Variants in CDYL observed in about 807,000 individuals in gnomAD.
The protein encoded by CDYL is chromodomain Y like, also known as chromodomain Y-like protein.
Under a neutral mutation model 47.3 loss-of-function variants are expected in CDYL, and 8 were observed. The ratio of observed to expected loss-of-function variants is 0.17; its 90% CI spans 0.10 to 0.31. The LOEUF (loss-of-function observed/expected upper bound fraction) is 0.31, where lower values mean the gene tolerates loss of function less well. Ranked by LOEUF, CDYL falls within the 10% of genes least tolerant of loss-of-function variation. The pLI is 1.00. For synonymous variants in CDYL, 266 were observed against 265.0 expected (o/e 1.00, Z -0.04); for missense variants, 471 against 701.4 (o/e 0.67, Z 3.71).
intron 1 of CDYL, among the ~76,000 whole-genome samples, chr6:4,880,571 CAT>C (rs1398181282): frequency 6.6e-6 from 1 of 152,182 alleles, no homozygotes; most frequent in East Asian, 1.9e-4. Flanking sequence ...ATTGCTGAAT[CAT>C]ATGGTAAGAG....
intron 2 of CDYL, among the ~76,000 whole-genome samples, chr6:4,909,245 A>G (rs1284674269): frequency 2.0e-5 from 3 of 152,222 alleles, no homozygotes; most frequent in Non-Finnish European, 4.4e-5. Context: ...TATTGTAAAC[A>G]CTAGGGTAAT....
At chr6:4,716,194 GC>G (rs1374814869) in intron 2 of CDYL, among the ~76,000 whole-genome samples, 2 of 150,512 alleles carry the variant, frequency 1.3e-5, no homozygotes, top group Non-Finnish European at 2.9e-5. Context: ...CTTGCAGTGA[GC>G]CCGAGATCGC....
At chr6:4,935,950 C>T (rs1042529211) in intron 3 of CDYL, among the ~76,000 whole-genome samples, 179 bp downstream of exon 3, 1 of 152,198 alleles carries the variant, frequency 6.6e-6, no homozygotes, top group African/African-American at 2.4e-5. Flanking sequence ...CATGTCCCAC[C>T]TCCAATGGCC....
chr6:4,809,147 T>TGCAACAGATACA (rs1759455247), intron 1 of CDYL, among the ~76,000 whole-genome samples: 1 of 152,246 alleles, frequency 6.6e-6, no homozygotes, highest in Non-Finnish European at 1.5e-5. Flanking sequence ...GATACATATG[T>TGCAACAGATACA]ATTTTATTGC....
rs111723354 is a variant in CDYL, at chr6:4,940,464, C to T, written c.1121+2727C>T. On this transcript the variant is annotated intron_variant, in intron 4 of 6. Transcript: ENST00000397588. ...TTCCTTAAAACTTGGAGGCAAAGGA[C>T]TTCATCGTAGCAAGTTTCCAAAGGA... 1.5e-3 allele frequency among the ~76,000 whole-genome samples: 234 copies of T among 152,302 alleles called. 1 individual carries two copies. The highest frequency in any genetic ancestry group is 5.4e-3 in the African/African-American group (223 of 41,552).
chr6:4,872,834 G>T (rs1404038639), intron 1 of CDYL, among the ~76,000 whole-genome samples: 1 of 152,126 alleles, frequency 6.6e-6, no homozygotes, highest in Admixed American at 6.5e-5. Flanking sequence ...GTTCATCTTG[G>T]TCTCTATCCA....
At chr6:4,942,029 C>G (rs1230315069) in intron 4 of CDYL, among the ~76,000 whole-genome samples, 4 of 152,158 alleles carry the variant, frequency 2.6e-5, no homozygotes, top group African/African-American at 9.7e-5. Flanking sequence ...CAAAAGATGA[C>G]ACAACTGAAA....
chr6:4,925,250 T>G (rs1757832499), intron 2 of CDYL, among the ~76,000 whole-genome samples: 1 of 152,166 alleles, frequency 6.6e-6, no homozygotes, highest in Non-Finnish European at 1.5e-5. Context: ...GTCACTTGTT[T>G]TTACAACAAA....
At chr6:4,929,133 A>G (rs536921613) in intron 2 of CDYL, among the ~76,000 whole-genome samples, 1 of 152,116 alleles carries the variant, frequency 6.6e-6, no homozygotes, top group East Asian at 1.9e-4. Context: ...GCCTGCTGGT[A>G]CAAACTCTCT....
At chr6:4,759,496 G>C (rs1758135778) in intron 3 of CDYL, among the ~76,000 whole-genome samples, 1 of 151,960 alleles carries the variant, frequency 6.6e-6, no homozygotes, top group South Asian at 2.1e-4. Context: ...TTATCTATCA[G>C]ACATTAAAAT....
chr6:4,709,500 CCAGT>C (rs1271791150), intron 1 of CDYL, among the ~76,000 whole-genome samples: 1 of 152,024 alleles, frequency 6.6e-6, no homozygotes, highest in Non-Finnish European at 1.5e-5. Flanking sequence ...CCAGCCGCCC[CCAGT>C]CATTTTTATG....
rs1300591989 is a variant in CDYL at position 4,955,438 on chromosome 6, C to T, written c.*1382C>T. ...TTTGCATCTGTGGGACCTACCTTTT[C>T]GTTCAGTAGTTTGAACTATATATAA... On this transcript the variant is annotated 3_prime_UTR_variant, in exon 7 of 7. Transcript: ENST00000397588. The T allele has an allele frequency of 2.6e-5, 4 of 152,728 alleles. No individual in the cohort carries two copies. The highest frequency in any genetic ancestry group is 3.4e-3 in the Middle Eastern group (1 of 294). The allele number at this position is 152,728 out of a possible 1,614,324, so 9.5% of individuals were successfully genotyped here.
At chr6:4,812,129 C>G (rs1269856708) in intron 1 of CDYL, among the ~76,000 whole-genome samples, 1 of 152,150 alleles carries the variant, frequency 6.6e-6, no homozygotes, top group Non-Finnish European at 1.5e-5. Flanking sequence ...TACATGTTTT[C>G]TATAGTGAAC....
intron 1 of CDYL, among the ~76,000 whole-genome samples, chr6:4,874,764 T>G (rs1166515513): frequency 6.6e-6 from 1 of 152,224 alleles, no homozygotes; most frequent in Admixed American, 6.5e-5. Context: ...CATGTCCCTT[T>G]CCACAGGTGG....
At chr6:4,719,955 C>T (rs1173658089) in intron 2 of CDYL, among the ~76,000 whole-genome samples, 1 of 152,206 alleles carries the variant, frequency 6.6e-6, no homozygotes, top group African/African-American at 2.4e-5. Context: ...TTCCTCTGGC[C>T]TCTGTATTTC....
At chr6:4,781,283 A>C (rs904890116) in intron 1 of CDYL, among the ~76,000 whole-genome samples, 1 of 152,212 alleles carries the variant, frequency 6.6e-6, no homozygotes, top group African/African-American at 2.4e-5. Flanking sequence ...TTTTACTTAC[A>C]TTGACCAAAA....
chr6:4,907,938 G>A (rs921229169), intron 2 of CDYL, among the ~76,000 whole-genome samples: 1 of 152,094 alleles, frequency 6.6e-6, no homozygotes, highest in Non-Finnish European at 1.5e-5. Flanking sequence ...AGAACCATCA[G>A]TTCCACAGTT....
At chr6:4,884,642 AT>A (rs1761853387) in intron 1 of CDYL, among the ~76,000 whole-genome samples, 1 of 152,164 alleles carries the variant, frequency 6.6e-6, no homozygotes, top group South Asian at 2.1e-4. Context: ...CGGAGACAAG[AT>A]AGTGTCTCCA....
intron 2 of CDYL, among the ~76,000 whole-genome samples, chr6:4,893,590 G>A (rs936289460): frequency 6.6e-6 from 1 of 152,182 alleles, no homozygotes; most frequent in African/African-American, 2.4e-5. Context: ...CTGCTCAGGA[G>A]GGTGAGGCAC....
Sources: allele counts gnomAD v4.1 joint callset (sites outside exome capture counted in the v4.1 genomes callset), GRCh38; gene constraint gnomAD v4.1.1; transcripts MANE v1.5; gene names NCBI Gene and HGNC (gene_info 2026-07-23, HGNC 2026-07-21).